MTMR3: variants seen among roughly 807,000 people sequenced by gnomAD.
The protein encoded by MTMR3 is myotubularin related protein 3.
Under a neutral mutation model 132.4 loss-of-function variants are expected in MTMR3, and 32 were observed. The observed-to-expected ratio is 0.24, with a 90% CI of 0.18 to 0.32. MTMR3 has a LOEUF of 0.32. MTMR3 is among the 10% of genes least tolerant of loss of function. The probability of loss-of-function intolerance (pLI) is 1.00; values close to 1 mark genes in which losing one functional copy is unlikely to be tolerated. For missense variants in MTMR3, 1,216 were observed against 1,489.6 expected (o/e 0.82, Z 3.02); for synonymous variants, 556 against 550.3 (o/e 1.01, Z -0.14).
rs953621331 is a variant in MTMR3, at chr22:30,030,579, G to T, written c.*4778G>T. ...CCAGTGCTATAATCCAGTGTCGTAG[G>T]TGCAGGGTATGAATCAGCTCAGCCT... On this transcript the variant is annotated 3_prime_UTR_variant, in exon 20 of 20. Coordinates refer to ENST00000401950, the MANE Select transcript of MTMR3 (RefSeq NM_021090.4). 6 of 147,998 alleles carry T rather than the reference G, an allele frequency of 4.1e-5. No homozygotes were observed. The allele number at this position is 147,998 out of a possible 1,614,324, so 9.2% of individuals were successfully genotyped here.
At chr22:29,958,420 C>T (rs1761275891) in intron 2 of MTMR3, among the ~76,000 whole-genome samples, 1 of 152,150 alleles carries the variant, frequency 6.6e-6, no homozygotes, top group African/African-American at 2.4e-5. Context: ...AGGTTCTTTA[C>T]AGGTAGGCTT....
intron 2 of MTMR3, among the ~76,000 whole-genome samples, chr22:29,966,829 A>G (rs1046049460): frequency 6.6e-6 from 1 of 151,700 alleles, no homozygotes; most frequent in Admixed American, 6.6e-5. Flanking sequence ...ATATTTAAAC[A>G]TCCTGAAACC....
chr22:29,914,580 C>CA (rs2065274532), intron 1 of MTMR3, among the ~76,000 whole-genome samples: 1 of 151,870 alleles, frequency 6.6e-6, no homozygotes, highest in South Asian at 2.1e-4. Flanking sequence ...TTTCAGAGAG[C>CA]AAAAACTTAA....
intron 3 of MTMR3, among the ~76,000 whole-genome samples, chr22:29,974,126 A>T (rs1157360716): frequency 2.0e-5 from 3 of 152,332 alleles, no homozygotes; most frequent in Admixed American, 2.0e-4. Flanking sequence ...AGTACCAGGA[A>T]ATTAATGACA....
At chr22:29,913,837 C>T (rs943146478) in intron 1 of MTMR3, among the ~76,000 whole-genome samples, 6 of 151,984 alleles carry the variant, frequency 3.9e-5, no homozygotes, top group Admixed American at 1.3e-4. Flanking sequence ...CTGCAACCTC[C>T]GCCTCCTGGG....
intron 1 of MTMR3, among the ~76,000 whole-genome samples, chr22:29,906,242 A>ATCCG (rs1204085970): frequency 9.8e-4 from 122 of 125,016 alleles, no homozygotes; most frequent in East Asian, 8.6e-3. Flanking sequence ...TTATCCATCC[A>ATCCG]TCCGTCTGTC....
At chr22:29,981,806 G>A (rs1208926553) in intron 5 of MTMR3, 1 of 142,726 alleles carries the variant, frequency 7.0e-6, no homozygotes. Flanking sequence ...GGATGACAGA[G>A]GGAGACTCTG....
At chr22:29,978,402 A>G in intron 3 of MTMR3, 40 bp from the exon 4 acceptor site, 1 of 1,517,754 alleles carries the variant, frequency 6.6e-7, no homozygotes, top group South Asian at 1.2e-5. Context: ...ATGAATGATT[A>G]GAAGCTTTGA....
chr22:29,928,927 T>C (rs1469019951), intron 1 of MTMR3, among the ~76,000 whole-genome samples: 2 of 152,198 alleles, frequency 1.3e-5, no homozygotes, highest in Admixed American at 6.5e-5. Context: ...CGTAGTATAT[T>C]GTCAAGGTAC....
rs2067484416 is a variant in MTMR3 at position 30,013,340 on chromosome 22, G to C, written c.1318-16G>C. 1.2e-6 allele frequency: 2 copies of C among 1,613,074 alleles called. No homozygotes were observed. Among genetic ancestry groups the C allele is most frequent in the Non-Finnish European group, 8.5e-7 (1 of 1,179,424 alleles). On this transcript the variant is annotated splice_polypyrimidine_tract_variant and intron_variant, in intron 13 of 19. Coordinates refer to ENST00000401950, the MANE Select transcript of MTMR3 (RefSeq NM_021090.4). The stretch of plus-strand genomic sequence containing the variant: ...TAGTCTAGCACAAATGGTCTCTCCT[G>C]GATGCTTCCCTGCAGGGTTTCCAGG...
intron 1 of MTMR3, among the ~76,000 whole-genome samples, chr22:29,891,880 C>T (rs957302878): frequency 6.6e-6 from 1 of 151,448 alleles, no homozygotes; most frequent in African/African-American, 2.4e-5. Context: ...CTAGGCTGGG[C>T]GCGGTGGCTC....
In MTMR3 at chr22:30,013,349, C is replaced by T. The variant is rs1355150021; in HGVS notation, c.1318-7C>T. The T allele has an allele frequency of 6.2e-7, 1 of 1,613,364 alleles. No individual in the cohort carries two copies. Among genetic ancestry groups the T allele is most frequent in the African/African-American group, 1.3e-5 (1 of 74,870 alleles). ...ACAAATGGTCTCTCCTGGATGCTTC[C>T]CTGCAGGGTTTCCAGGTCCTCGTGG... On this transcript the variant is annotated splice_polypyrimidine_tract_variant and splice_region_variant and intron_variant, in intron 13 of 19. Coordinates refer to ENST00000401950, the MANE Select transcript of MTMR3 (RefSeq NM_021090.4).
At chr22:29,988,637 A>G in intron 6 of MTMR3, 75 bp downstream of exon 6, 1 of 1,105,346 alleles carries the variant, frequency 9.0e-7, no homozygotes, top group Non-Finnish European at 1.3e-6. Context: ...ATTATTTGGT[A>G]ACTTAGTAAA....
At chr22:29,889,987 G>A (rs1402615367) in intron 1 of MTMR3, among the ~76,000 whole-genome samples, 21 of 147,554 alleles carry the variant, frequency 1.4e-4, no homozygotes, top group Non-Finnish European at 2.8e-4. Context: ...GCTCACTGCA[G>A]CCTCTGCCTC....
chr22:29,938,168 C>T (rs1221680680), intron 1 of MTMR3, among the ~76,000 whole-genome samples: 1 of 151,930 alleles, frequency 6.6e-6, no homozygotes, highest in Non-Finnish European at 1.5e-5. Flanking sequence ...CAGGAACACC[C>T]ATATTTGGTG....
At chr22:29,891,721 C>G (rs1602412448) in intron 1 of MTMR3, among the ~76,000 whole-genome samples, 1 of 152,092 alleles carries the variant, frequency 6.6e-6, no homozygotes, top group Non-Finnish European at 1.5e-5. Context: ...GTGTGAGCCA[C>G]CGTGCATATG....
At chr22:29,922,131 A>G (rs1285536520) in intron 1 of MTMR3, among the ~76,000 whole-genome samples, 1 of 151,264 alleles carries the variant, frequency 6.6e-6, no homozygotes, top group Admixed American at 6.6e-5. Context: ...GGTTCAAGTG[A>G]TTCTCCTGCC....
At chr22:30,002,654 C>T (rs2067199431) in intron 8 of MTMR3, 1 of 459,282 alleles carries the variant, frequency 2.2e-6, no homozygotes, top group Non-Finnish European at 3.9e-6. Flanking sequence ...GTTGTATACA[C>T]ATAAGTAAAC....
At chr22:29,900,061 AAAAC>A (rs368332596) in intron 1 of MTMR3, among the ~76,000 whole-genome samples, 3 of 152,338 alleles carry the variant, frequency 2.0e-5, no homozygotes, top group Non-Finnish European at 4.4e-5. Context: ...ATTATGATAT[AAAAC>A]AAACATACAG....
Sources: gnomAD v4.1 joint callset for allele counts (sites outside exome capture counted in the v4.1 genomes callset) on GRCh38, gnomAD v4.1.1 for gene constraint, MANE v1.5 for transcripts, NCBI Gene and HGNC (gene_info 2026-07-23, HGNC 2026-07-21) for gene names.